Variants in SLC25A21 observed in about 807,000 individuals in gnomAD.
The protein encoded by SLC25A21 is solute carrier family 25 member 21, also known as mitochondrial 2-oxodicarboxylate carrier.
SLC25A21 carries 47 observed loss-of-function variants against 43.8 expected under a neutral mutation model. The ratio of observed to expected loss-of-function variants is 1.07; its 90% CI spans 0.85 to 1.37. The LOEUF (loss-of-function observed/expected upper bound fraction) is 1.37. SLC25A21 is among the 40% of genes most tolerant of loss of function. The pLI is 0.00. For synonymous variants in SLC25A21, 131 were observed against 121.3 expected, an observed-to-expected ratio of 1.08 and a Z score of -0.52; for missense variants, 352 against 350.2, an observed-to-expected ratio of 1.00 and a Z score of -0.04.
intron 2 of SLC25A21, among the ~76,000 whole-genome samples, chr14:36,869,298 G>T (rs967818237): frequency 6.6e-6 from 1 of 152,144 alleles, no homozygotes; most frequent in African/African-American, 2.4e-5. Flanking sequence ...ATTGGGCCAT[G>T]ACTAACACAG....
chr14:36,752,445 AC>A (rs1227376709), intron 3 of SLC25A21, among the ~76,000 whole-genome samples: 3 of 152,202 alleles, frequency 2.0e-5, no homozygotes, highest in Non-Finnish European at 4.4e-5. Flanking sequence ...ATATTTGTAC[AC>A]CCATGCTCAT....
chr14:37,079,385 C>T (rs1372345055), intron 1 of SLC25A21, among the ~76,000 whole-genome samples: 2 of 152,166 alleles, frequency 1.3e-5, no homozygotes, highest in East Asian at 1.9e-4. Context: ...TTGGTGTCTA[C>T]CCATGTAGCT....
Position 37,093,862 on chromosome 14 carries a change from G to A in SLC25A21, c.70+78419C>T, listed in dbSNP as rs202183284. Among the ~76,000 whole-genome samples the A allele has an allele frequency of 3.3e-5, 5 of 152,272 alleles. No individual in the cohort carries two copies. In the East Asian group the frequency reaches 9.7e-4, roughly 29 times the overall value. On this transcript the variant is annotated intron_variant, in intron 1 of 9. Transcript: ENST00000331299. ...TAAAACCTAAGTAGTAACTTAAAGA[G>A]AGATCTGGCCATTTGCTAACCATTT...
intron 1 of SLC25A21, among the ~76,000 whole-genome samples, chr14:37,154,413 A>G (rs1326396351): frequency 1.3e-5 from 2 of 152,136 alleles, no homozygotes; most frequent in Non-Finnish European, 2.9e-5. Flanking sequence ...GGAAGACGTG[A>G]TTGTTACACC....
At chr14:36,773,166 C>T (rs1022265640) in intron 3 of SLC25A21, among the ~76,000 whole-genome samples, 1 of 149,466 alleles carries the variant, frequency 6.7e-6, no homozygotes, top group Non-Finnish European at 1.5e-5. Context: ...GTTGCATGCA[C>T]GATGACAGAT....
intron 1 of SLC25A21, among the ~76,000 whole-genome samples, chr14:36,887,007 A>G (rs1350033163): frequency 2.6e-5 from 4 of 152,146 alleles, no homozygotes; most frequent in Admixed American, 6.6e-5. Flanking sequence ...TAAGGTGTGG[A>G]TTAGTTGGCA....
chr14:36,764,976 T>G (rs1886358849), intron 3 of SLC25A21, among the ~76,000 whole-genome samples: 1 of 152,236 alleles, frequency 6.6e-6, no homozygotes, highest in Non-Finnish European at 1.5e-5. Flanking sequence ...TTGAGCAGAC[T>G]TCCAAAACTA....
rs146837066 is a variant in SLC25A21, at chr14:37,095,243, C to T, written c.70+77038G>A. ...TGAATAACTACACTATTCGGCCAGG[C>T]GTGGTGGCACATGCCTGTAATCCTG... On this transcript the variant is annotated intron_variant, in intron 1 of 9. Transcript: ENST00000331299. Among the ~76,000 whole-genome samples, 151 of 152,250 alleles carry T rather than the reference C, an allele frequency of 9.9e-4. 1 individual carries two copies. The highest frequency in any genetic ancestry group is 3.2e-3 in the African/African-American group (134 of 41,550).
chr14:37,028,145 TA>T (rs1233798761), intron 1 of SLC25A21, among the ~76,000 whole-genome samples: 1 of 151,708 alleles, frequency 6.6e-6, no homozygotes, highest in African/African-American at 2.4e-5. Context: ...GACGTGTGTA[TA>T]AACAGCAAAC....
chr14:36,851,635 C>CA (rs1189078915), intron 2 of SLC25A21, among the ~76,000 whole-genome samples: 1 of 152,084 alleles, frequency 6.6e-6, no homozygotes, highest in Non-Finnish European at 1.5e-5. Context: ...ATAAGCTACA[C>CA]AAAAAATGGG....
intron 1 of SLC25A21, among the ~76,000 whole-genome samples, chr14:36,949,127 A>C (rs1007792648): frequency 6.6e-6 from 1 of 152,220 alleles, no homozygotes; most frequent in Non-Finnish European, 1.5e-5. Context: ...GTGTCTGAAT[A>C]TCAGTCCAGC....
chr14:37,037,051 AC>A (rs1961342462), intron 1 of SLC25A21, among the ~76,000 whole-genome samples: 2 of 152,232 alleles, frequency 1.3e-5, no homozygotes, highest in African/African-American at 4.8e-5. Flanking sequence ...GTGCCCTGGT[AC>A]ATGCATCATT....
At chr14:36,839,391 T>C (rs1378532214) in intron 2 of SLC25A21, among the ~76,000 whole-genome samples, 1 of 152,228 alleles carries the variant, frequency 6.6e-6, no homozygotes, top group Non-Finnish European at 1.5e-5. Flanking sequence ...TTCATTTAAG[T>C]AATGGACTTT....
intron 7 of SLC25A21, among the ~76,000 whole-genome samples, chr14:36,691,597 A>G (rs879490573): frequency 2.6e-5 from 4 of 152,124 alleles, no homozygotes; most frequent in African/African-American, 4.8e-5. Flanking sequence ...GAATTTAAAA[A>G]CTGTTATTGA....
chr14:36,695,768 A>T (rs1351121901), intron 7 of SLC25A21, among the ~76,000 whole-genome samples: 1 of 152,164 alleles, frequency 6.6e-6, no homozygotes, highest in African/African-American at 2.4e-5. Flanking sequence ...GTATCCTGAG[A>T]CTTTCCTGAA....
chr14:37,149,142 G>T (rs1963716123), intron 1 of SLC25A21, among the ~76,000 whole-genome samples: 4 of 150,862 alleles, frequency 2.7e-5, no homozygotes, highest in Admixed American at 6.6e-5. Context: ...TATCACCACT[G>T]TTTTTTTTTA....
intron 3 of SLC25A21, among the ~76,000 whole-genome samples, chr14:36,775,258 A>G (rs1886781074): frequency 6.6e-6 from 1 of 152,210 alleles, no homozygotes; most frequent in African/African-American, 2.4e-5. Context: ...GAAAAGGGGA[A>G]GAATAGAAAC....
chr14:36,824,750 G>A (rs1426662016), intron 2 of SLC25A21, among the ~76,000 whole-genome samples: 2 of 127,944 alleles, frequency 1.6e-5, no homozygotes, highest in African/African-American at 5.9e-5. Context: ...TTAGTGAAAA[G>A]AGAATCACTT....
At chr14:37,109,912 C>A (rs1337127683) in intron 1 of SLC25A21, among the ~76,000 whole-genome samples, 2 of 151,960 alleles carry the variant, frequency 1.3e-5, no homozygotes, top group Admixed American at 1.3e-4. Flanking sequence ...ATGTTTCCCA[C>A]AAAGATGAGA....
Sources: allele counts gnomAD v4.1 joint callset (sites outside exome capture counted in the v4.1 genomes callset), GRCh38; gene constraint gnomAD v4.1.1; transcripts MANE v1.5; gene names NCBI Gene and HGNC (gene_info 2026-07-23, HGNC 2026-07-21).